The following CCDC6 variants were observed in gnomAD, a reference collection of about 807,000 sequenced individuals.
The protein encoded by CCDC6 is coiled-coil domain containing 6.
In CCDC6, 20 loss-of-function variants were observed where a neutral mutation model predicts 56.6. The ratio of observed to expected loss-of-function variants is 0.35; its 90% CI spans 0.25 to 0.51. CCDC6 has a LOEUF of 0.51. CCDC6 is among the 20% of genes least tolerant of loss of function. The pLI, the probability that CCDC6 is intolerant of heterozygous loss-of-function variation, is 0.95. For missense variants in CCDC6, 367 were observed against 601.1 expected, an observed-to-expected ratio of 0.61 and a Z score of 4.07; for synonymous variants, 241 against 234.4, an observed-to-expected ratio of 1.03 and a Z score of -0.26.
chr10:59,792,010 T>C lies in CCDC6; in HGVS notation c.*907A>G, dbSNP rs950238333. 4.5e-6 allele frequency: 1 copy of C among 223,338 alleles called. No individual in the cohort carries two copies. The highest frequency in any genetic ancestry group is 9.0e-6 in the Non-Finnish European group (1 of 111,586). The allele number at this position is 223,338 out of a possible 1,614,324, so 13.8% of individuals were successfully genotyped here. A position where few individuals can be genotyped will look rare whatever the true frequency, so the allele number is the denominator to read the frequency against. On this transcript the variant is annotated 3_prime_UTR_variant, in exon 9 of 9. Transcript: ENST00000263102. The stretch of plus-strand genomic sequence containing the variant: ...ATGGTATTTTGCACCTTTAAAATAT[T>C]TGTTCAAACTCTATTTTAAGAGAAC...
At position 59,790,809 on chromosome 10, in the gene CCDC6, A is replaced by AT. The variant is rs1309271341; in HGVS notation, c.*2107dup. 4.2e-5 allele frequency: 9 copies of AT among 214,050 alleles called. No individual in the cohort carries two copies. The East Asian group carries it at 6.3e-4, about 15-fold the overall frequency. The allele number at this position is 214,050 out of a possible 1,614,324, so 13.3% of individuals were successfully genotyped here. On this transcript the variant is annotated 3_prime_UTR_variant, in exon 9 of 9. Coordinates refer to ENST00000263102, the MANE Select transcript of CCDC6 (RefSeq NM_005436.5). ...TCCAAGTGCTTTTTAAAAATTCAAC[A>AT]TATGGCAATGTTTTAATTTTTGTGC...
intron 3 of CCDC6, among the ~76,000 whole-genome samples, chr10:59,819,881 T>C (rs1014393664): frequency 5.9e-5 from 9 of 152,252 alleles, no homozygotes; most frequent in Non-Finnish European, 8.8e-5. Flanking sequence ...AATTTATTCA[T>C]TGGAGCTGAA....
intron 2 of CCDC6, among the ~76,000 whole-genome samples, chr10:59,848,233 A>T: frequency 6.6e-6 from 1 of 152,324 alleles, no homozygotes; most frequent in Non-Finnish European, 1.5e-5. Context: ...GTTCTTAACT[A>T]ATCTCTTTTA....
intron 3 of CCDC6, among the ~76,000 whole-genome samples, chr10:59,821,706 A>C (rs2070750937): frequency 6.6e-6 from 1 of 152,208 alleles, no homozygotes; most frequent in South Asian, 2.1e-4. Context: ...AAGAGTGGTC[A>C]CTTCCTAGAC....
intron 3 of CCDC6, among the ~76,000 whole-genome samples, chr10:59,823,261 C>T (rs561182601): frequency 1.3e-4 from 20 of 152,152 alleles, no homozygotes; most frequent in Non-Finnish European, 2.6e-4. Context: ...AGGCAAAGGG[C>T]CCACTGAACT....
chr10:59,825,325 G>A (rs970987665), intron 3 of CCDC6, among the ~76,000 whole-genome samples: 5 of 152,136 alleles, frequency 3.3e-5, no homozygotes, highest in African/African-American at 4.8e-5. Context: ...CTGCTTTTGC[G>A]TATTCTTCAT....
At chr10:59,870,638 G>A (rs1319920321) in intron 1 of CCDC6, among the ~76,000 whole-genome samples, 1 of 152,150 alleles carries the variant, frequency 6.6e-6, no homozygotes, top group Admixed American at 6.5e-5. Flanking sequence ...CAGGTAGGTG[G>A]GGCTATGGGG....
At chr10:59,816,295 G>GA (rs1207575642) in intron 3 of CCDC6, among the ~76,000 whole-genome samples, 2 of 152,110 alleles carry the variant, frequency 1.3e-5, no homozygotes, top group Non-Finnish European at 2.9e-5. Flanking sequence ...AAACAGATGG[G>GA]AAAAACTCTC....
chr10:59,869,684 T>A (rs924643932), intron 1 of CCDC6, among the ~76,000 whole-genome samples: 4 of 152,152 alleles, frequency 2.6e-5, no homozygotes, highest in African/African-American at 9.7e-5. Context: ...CAACCCGTGC[T>A]CATTCTGCAC....
At chr10:59,849,392 C>A (rs368864082) in intron 2 of CCDC6, among the ~76,000 whole-genome samples, 30 of 152,286 alleles carry the variant, frequency 2.0e-4, no homozygotes, top group Admixed American at 1.2e-3. Context: ...ATCTCCCAAA[C>A]TGGATCTTTT....
At chr10:59,887,110 C>T (rs2071388307) in intron 1 of CCDC6, among the ~76,000 whole-genome samples, 2 of 152,148 alleles carry the variant, frequency 1.3e-5, no homozygotes, top group Admixed American at 1.3e-4. Context: ...TGTGAATTTA[C>T]CAAGAAAGGC....
At chr10:59,870,045 T>C (rs2071214775) in intron 1 of CCDC6, among the ~76,000 whole-genome samples, 1 of 152,132 alleles carries the variant, frequency 6.6e-6, no homozygotes, top group Non-Finnish European at 1.5e-5. Context: ...CCCATTACAC[T>C]ACCTTCTTTC....
At chr10:59,818,023 T>A (rs989560666) in intron 3 of CCDC6, among the ~76,000 whole-genome samples, 1 of 152,038 alleles carries the variant, frequency 6.6e-6, no homozygotes, top group Non-Finnish European at 1.5e-5. Flanking sequence ...GGAACGGATA[T>A]CGGTCACCAT....
chr10:59,843,680 G>T lies in CCDC6; in HGVS notation c.453+8873C>A, dbSNP rs111455048. On this transcript the variant is annotated intron_variant, in intron 2 of 8. Coordinates refer to ENST00000263102, the MANE Select transcript of CCDC6 (RefSeq NM_005436.5). ...ATTTGAAAATTTATCAGCAGGAGAA[G>T]CTTGTAGCCTAGGATGATAGTAACT... is the stretch of plus-strand genomic sequence containing the variant. Among the ~76,000 whole-genome samples the T allele has an allele frequency of 2.0e-4, 31 of 152,316 alleles. 2 individuals are homozygous for T. The highest frequency in any genetic ancestry group is 7.2e-4 in the African/African-American group (30 of 41,570).
At chr10:59,884,316 C>T (rs976150434) in intron 1 of CCDC6, among the ~76,000 whole-genome samples, 1 of 152,132 alleles carries the variant, frequency 6.6e-6, no homozygotes, top group East Asian at 1.9e-4. Context: ...GATTTCAGGT[C>T]GAGACAGCGA....
intron 5 of CCDC6, among the ~76,000 whole-genome samples, chr10:59,807,509 T>A (rs1332716058): frequency 6.6e-6 from 1 of 152,088 alleles, no homozygotes; most frequent in East Asian, 1.9e-4. Flanking sequence ...AAAAAAGATA[T>A]CTGGTCTTTC....
intron 2 of CCDC6, among the ~76,000 whole-genome samples, chr10:59,836,971 C>T (rs75740859): frequency 0.016 from 2,506 of 152,310 alleles, 29 homozygotes; most frequent in Middle Eastern, 0.044. Flanking sequence ...CAAGCATTTT[C>T]TTGTATCATC....
At chr10:59,865,445 A>C (rs1482495774) in intron 1 of CCDC6, among the ~76,000 whole-genome samples, 1 of 152,216 alleles carries the variant, frequency 6.6e-6, no homozygotes, top group Non-Finnish European at 1.5e-5. Context: ...CAAGACAGAG[A>C]AATCTTAAAG....
At chr10:59,815,028 A>G (rs1472272927) in intron 3 of CCDC6, among the ~76,000 whole-genome samples, 2 of 152,168 alleles carry the variant, frequency 1.3e-5, no homozygotes, top group South Asian at 2.1e-4. Flanking sequence ...AGTCCTCCTT[A>G]GAGAGGTCTT....
Sources: allele counts gnomAD v4.1 joint callset (sites outside exome capture counted in the v4.1 genomes callset), GRCh38; gene constraint gnomAD v4.1.1; transcripts MANE v1.5; gene names NCBI Gene and HGNC (gene_info 2026-07-23, HGNC 2026-07-21).